TNFAIP8: variants seen among roughly 807,000 people sequenced by gnomAD.
The protein encoded by TNFAIP8 is TNF alpha induced protein 8.
In TNFAIP8, 7 loss-of-function variants were observed where a neutral mutation model predicts 13.3. The ratio of observed to expected loss-of-function variants is 0.52; its 90% confidence interval spans 0.30 to 0.99. The LOEUF is 0.99. Ranked by LOEUF, TNFAIP8 falls within the 50% of genes least tolerant of loss-of-function variation. TNFAIP8 has a pLI of 0.07. For synonymous variants in TNFAIP8, 94 were observed against 87.6 expected, an observed-to-expected ratio of 1.07 and a Z score of -0.41; for missense variants, 258 against 236.9, an observed-to-expected ratio of 1.09 and a Z score of -0.58.
At chr5:119,371,306 C>CT (rs1752060396) in intron 1 of TNFAIP8, among the ~76,000 whole-genome samples, 1 of 152,148 alleles carries the variant, frequency 6.6e-6, no homozygotes, top group Non-Finnish European at 1.5e-5. Flanking sequence ...TATATAAAGA[C>CT]TAACTGTACA....
chr5:119,310,852 A>C (rs1164838346), intron 1 of TNFAIP8, among the ~76,000 whole-genome samples: 1 of 151,478 alleles, frequency 6.6e-6, no homozygotes, highest in African/African-American at 2.4e-5. Flanking sequence ...ATCAATCAAT[A>C]CATTTCTCTG....
At chr5:119,276,663 C>A (rs1561978790) in intron 1 of TNFAIP8, among the ~76,000 whole-genome samples, 1 of 152,192 alleles carries the variant, frequency 6.6e-6, no homozygotes, top group African/African-American at 2.4e-5. Context: ...AAGAACATTT[C>A]TCTGTGCACA....
At chr5:119,301,301 A>G (rs1749383518) in intron 1 of TNFAIP8, among the ~76,000 whole-genome samples, 1 of 152,124 alleles carries the variant, frequency 6.6e-6, no homozygotes, top group Non-Finnish European at 1.5e-5. Context: ...CATCTAGAAT[A>G]TTCCACAATT....
rs1752988588 is a variant in TNFAIP8, at chr5:119,393,655, T to C, written c.*274T>C. The C allele has an allele frequency of 2.6e-6, 1 of 384,902 alleles. No individual in the cohort carries two copies. The highest frequency in any genetic ancestry group is 2.0e-5 in the African/African-American group (1 of 49,192). The allele number at this position is 384,902 out of a possible 1,614,324, so 23.8% of individuals were successfully genotyped here. A position where few individuals can be genotyped will look rare whatever the true frequency, so the allele number is the denominator to read the frequency against. The stretch of plus-strand genomic sequence containing the variant: ...GCAAATGTAGTTATACAAAGAAAAA[T>C]ACAGATGTCTCCAGACCTGAGGACT... On this transcript the variant is annotated 3_prime_UTR_variant, in exon 2 of 2. Coordinates refer to ENST00000504771, the MANE Select transcript of TNFAIP8 (RefSeq NM_014350.4).
At chr5:119,345,825 T>G (rs2112741265) in intron 1 of TNFAIP8, among the ~76,000 whole-genome samples, 2 of 152,362 alleles carry the variant, frequency 1.3e-5, no homozygotes, top group Admixed American at 1.3e-4. Flanking sequence ...TTAATTCTCC[T>G]GAACTGTATA....
intron 1 of TNFAIP8, among the ~76,000 whole-genome samples, chr5:119,368,262 C>G (rs554181714): frequency 6.6e-6 from 1 of 152,026 alleles, no homozygotes; most frequent in African/African-American, 2.4e-5. Flanking sequence ...TTGACAGATA[C>G]TAACAGGTTT....
At chr5:119,285,446 C>T (rs1748752104) in intron 1 of TNFAIP8, among the ~76,000 whole-genome samples, 1 of 152,114 alleles carries the variant, frequency 6.6e-6, no homozygotes, top group Non-Finnish European at 1.5e-5. Flanking sequence ...AGGAATTCTG[C>T]ACAAGTGGCT....
chr5:119,335,511 C>T (rs1196209301), intron 1 of TNFAIP8, among the ~76,000 whole-genome samples: 1 of 152,030 alleles, frequency 6.6e-6, no homozygotes, highest in African/African-American at 2.4e-5. Flanking sequence ...CCTGGGCTGG[C>T]TTGTTTTTGT....
Position 119,399,100 on chromosome 5 carries a change from G to A in TNFAIP8, c.*5719G>A, listed in dbSNP as rs1371335636. On this transcript the variant is annotated 3_prime_UTR_variant, in exon 2 of 2. Coordinates refer to ENST00000504771, the MANE Select transcript of TNFAIP8 (RefSeq NM_014350.4). ...GACTTAGTGTTCTCATGACCGAGGA[G>A]TCACATTTTTAGCTTGCTAAAATAT... The A allele has an allele frequency of 1.3e-5, 2 of 152,178 alleles. No homozygotes were observed. Among genetic ancestry groups the A allele is most frequent in the Non-Finnish European group, 2.9e-5 (2 of 68,032 alleles). 9.4% of individuals were successfully genotyped at this position (152,178 alleles called of 1,614,324 possible).
At chr5:119,355,755 G>A (rs1488126878), upstream of TNFAIP8, 1 of 265,868 alleles carries the variant, frequency 3.8e-6, no homozygotes, top group African/African-American at 2.3e-5. Flanking sequence ...CTGTGTCTCG[G>A]GAGAGTCGGC....
At chr5:119,271,117 C>G (rs561601055) in intron 1 of TNFAIP8, among the ~76,000 whole-genome samples, 2 of 152,320 alleles carry the variant, frequency 1.3e-5, no homozygotes, top group African/African-American at 4.8e-5. Flanking sequence ...TAGCAGAAAC[C>G]TGGGGGTGAA....
intron 1 of TNFAIP8, among the ~76,000 whole-genome samples, chr5:119,315,109 GTC>G (rs3055628): frequency 8.9e-4 from 136 of 152,068 alleles, no homozygotes; most frequent in African/African-American, 3.2e-3. Context: ...TCGAGATGGA[GTC>G]TCTCTTTGTT....
At chr5:119,317,659 C>T (rs1337294366) in intron 1 of TNFAIP8, among the ~76,000 whole-genome samples, 4 of 151,320 alleles carry the variant, frequency 2.6e-5, no homozygotes, top group Non-Finnish European at 2.9e-5. Flanking sequence ...AGTGCAGTGG[C>T]GCGATTTCGG....
chr5:119,303,513 C>T (rs1298953607), intron 1 of TNFAIP8, among the ~76,000 whole-genome samples: 2 of 152,042 alleles, frequency 1.3e-5, no homozygotes, highest in East Asian at 3.9e-4. Flanking sequence ...TCAGAGCTCT[C>T]AAAGGTTGGT....
In TNFAIP8 at chr5:119,397,723, G is replaced by A. The variant is rs1753107792; in HGVS notation, c.*4342G>A. 1 of 152,206 alleles carries A rather than the reference G, an allele frequency of 6.6e-6. No homozygotes were observed. Among genetic ancestry groups the A allele is most frequent in the Admixed American group, 6.5e-5 (1 of 15,284 alleles). The allele number at this position is 152,206 out of a possible 1,614,324, so 9.4% of individuals were successfully genotyped here. Reference sequence around the variant, plus strand: ...TTTTTGTTTCCAAAATGATGCAACAGGAAAACCTTTAACTACTTATAATCC... The same window carrying A: ...TTTTTGTTTCCAAAATGATGCAACAAGAAAACCTTTAACTACTTATAATCC... On this transcript the variant is annotated 3_prime_UTR_variant, in exon 2 of 2. Coordinates refer to ENST00000504771, the MANE Select transcript of TNFAIP8 (RefSeq NM_014350.4).
intron 1 of TNFAIP8, among the ~76,000 whole-genome samples, chr5:119,382,023 C>A (rs1284146009): frequency 6.6e-6 from 1 of 152,162 alleles, no homozygotes. Flanking sequence ...TTCTAAAATT[C>A]ATAGGAGACA....
chr5:119,300,238 A>G (rs1038953046), intron 1 of TNFAIP8, among the ~76,000 whole-genome samples: 3 of 152,194 alleles, frequency 2.0e-5, no homozygotes, highest in Non-Finnish European at 4.4e-5. Context: ...AGCTGTTCCT[A>G]ATCAGCCATC....
chr5:119,319,678 T>G (rs777261384), intron 1 of TNFAIP8, among the ~76,000 whole-genome samples: 5 of 152,216 alleles, frequency 3.3e-5, no homozygotes, highest in Non-Finnish European at 7.3e-5. Context: ...AGGATTATTA[T>G]GGGTTATTTC....
At chr5:119,372,287 T>C (rs1752109576) in intron 1 of TNFAIP8, among the ~76,000 whole-genome samples, 1 of 145,018 alleles carries the variant, frequency 6.9e-6, no homozygotes, top group African/African-American at 2.6e-5. Flanking sequence ...TCGTGCCACT[T>C]CACTCCAGCT....
Sources: allele counts gnomAD v4.1 joint callset (sites outside exome capture counted in the v4.1 genomes callset), GRCh38; gene constraint gnomAD v4.1.1; transcripts MANE v1.5; gene names NCBI Gene and HGNC (gene_info 2026-07-23, HGNC 2026-07-21).